SLC9C1: variants seen among roughly 807,000 people sequenced by gnomAD.
SLC9C1 encodes the protein sodium/hydrogen exchanger 10.
In SLC9C1, 97 loss-of-function variants were observed where a neutral mutation model predicts 140.9. The observed-to-expected ratio is 0.69, with a 90% CI of 0.58 to 0.82. SLC9C1 has a LOEUF of 0.82. Ranked by LOEUF, SLC9C1 falls within the 40% of genes least tolerant of loss-of-function variation. SLC9C1 has a pLI of 0.00. For synonymous variants in SLC9C1, 440 were observed against 442.6 expected (o/e 0.99, Z 0.07); for missense variants, 1,340 against 1,389.3 (o/e 0.96, Z 0.56).
intron 15 of SLC9C1, among the ~76,000 whole-genome samples, chr3:112,212,727 C>T (rs2895390): frequency 0.21 from 32,249 of 151,976 alleles, 4,309 homozygotes; most frequent in East Asian, 0.34. Context: ...AATCTACATC[C>T]GATTGGTATA....
At chr3:112,159,664 C>T (rs1015515707) in intron 26 of SLC9C1, among the ~76,000 whole-genome samples, 4 of 151,996 alleles carry the variant, frequency 2.6e-5, no homozygotes, top group African/African-American at 9.7e-5. Context: ...GTGTTGAAGT[C>T]CCCTACTACT....
chr3:112,264,881 G>A (rs2079875969), intron 8 of SLC9C1, among the ~76,000 whole-genome samples: 1 of 151,968 alleles, frequency 6.6e-6, no homozygotes, highest in South Asian at 2.1e-4. Context: ...AGGAGTGGTG[G>A]ACATACTTAT....
chr3:112,278,690 G>C (rs777461967), intron 4 of SLC9C1, 39 bp downstream of exon 4: 1 of 1,565,708 alleles, frequency 6.4e-7, no homozygotes, highest in Non-Finnish European at 8.6e-7. Context: ...ATAATATGTG[G>C]TTCATGAATG....
At position 112,204,356 on chromosome 3, in the gene SLC9C1, G is replaced by C. The variant is rs777628996; in HGVS notation, c.2034C>G (p.Phe678Leu). ...TGCCAATTAATGTAATTGCTAACTC[G>C]AATATGTTCCAGGCATGTGAAAAAA... ...KDFFSHAWNIFELAITLIGIL... is the reference protein window; with the variant it reads ...KDFFSHAWNILELAITLIGIL... The change falls in exon 17 of 29, where the codon TTC becomes TTG. Residue 678 changes from phenylalanine (F) to leucine (L), a missense_variant. Transcript: ENST00000305815. 1.9e-6 allele frequency: 3 copies of C among 1,571,654 alleles called. No individual in the cohort carries two copies. The African/African-American group carries it at 4.2e-5, about 22-fold the overall frequency.
chr3:112,150,093 C>T (rs941734649), intron 28 of SLC9C1, among the ~76,000 whole-genome samples: 16 of 152,162 alleles, frequency 1.1e-4, no homozygotes, highest in African/African-American at 3.9e-4. Flanking sequence ...ACAATTCTAG[C>T]ACCTACTGTT....
intron 28 of SLC9C1, among the ~76,000 whole-genome samples, chr3:112,145,815 C>T (rs953859265): frequency 6.6e-6 from 1 of 151,884 alleles, no homozygotes; most frequent in African/African-American, 2.4e-5. Context: ...ATAAATGAAT[C>T]GTGGGGGCAA....
intron 28 of SLC9C1, chr3:112,147,538 A>G (rs1396095612): frequency 2.5e-6 from 1 of 407,874 alleles, no homozygotes; most frequent in Non-Finnish European, 4.9e-6. Context: ...CTTTGCTTAT[A>G]AAGCTTAGTT....
chr3:112,224,853 G>A (rs147669406), intron 13 of SLC9C1, among the ~76,000 whole-genome samples: 112 of 151,966 alleles, frequency 7.4e-4, no homozygotes, highest in African/African-American at 2.3e-3. Context: ...TAGAAAGAGC[G>A]AGCCAAAGAA....
intron 6 of SLC9C1, among the ~76,000 whole-genome samples, chr3:112,272,641 C>T (rs1003724212): frequency 2.6e-5 from 4 of 152,162 alleles, no homozygotes; most frequent in African/African-American, 7.2e-5. Context: ...ATTCATCGTT[C>T]TCTTTCTCCT....
chr3:112,155,186 G>T, intron 26 of SLC9C1, 137 bp from the exon 27 acceptor site: 1 of 620,874 alleles, frequency 1.6e-6, no homozygotes, highest in Non-Finnish European at 2.6e-6. Context: ...AATCTCATTT[G>T]GTTAAAAAAA....
At chr3:112,290,067 G>T (rs1291133966) in intron 1 of SLC9C1, among the ~76,000 whole-genome samples, 1 of 152,132 alleles carries the variant, frequency 6.6e-6, no homozygotes, top group Non-Finnish European at 1.5e-5. Context: ...CATTAGGAAA[G>T]AACATTTTGG....
intron 23 of SLC9C1, among the ~76,000 whole-genome samples, chr3:112,170,583 A>G (rs1035712502): frequency 1.1e-4 from 16 of 152,342 alleles, no homozygotes; most frequent in African/African-American, 3.8e-4. Flanking sequence ...TAGAAAACAA[A>G]TTACTAACAA....
At chr3:112,248,831 G>A (rs747368677) in intron 10 of SLC9C1, among the ~76,000 whole-genome samples, 4 of 152,070 alleles carry the variant, frequency 2.6e-5, no homozygotes, top group Non-Finnish European at 5.9e-5. Flanking sequence ...TCCGATTAAA[G>A]TAGTTTTCTT....
intron 6 of SLC9C1, among the ~76,000 whole-genome samples, chr3:112,272,838 C>G (rs964546866): frequency 3.3e-5 from 5 of 152,092 alleles, no homozygotes; most frequent in African/African-American, 4.8e-5. Flanking sequence ...TGCTCAGGTC[C>G]TAGAATAGAA....
chr3:112,238,577 T>C (rs946322160), intron 12 of SLC9C1, among the ~76,000 whole-genome samples: 16 of 152,174 alleles, frequency 1.1e-4, no homozygotes, highest in Non-Finnish European at 2.4e-4. Context: ...TTTTTCCCCA[T>C]CTTTGTGGTT....
chr3:112,278,256 T>C (rs555181369), intron 4 of SLC9C1, among the ~76,000 whole-genome samples: 1 of 152,348 alleles, frequency 6.6e-6, no homozygotes, highest in Admixed American at 6.5e-5. Flanking sequence ...TCTTGAGGTC[T>C]TTCCCTGATA....
chr3:112,181,843 TGAATG>T (rs2077445850), intron 21 of SLC9C1, among the ~76,000 whole-genome samples: 1 of 151,108 alleles, frequency 6.6e-6, no homozygotes, highest in South Asian at 2.1e-4. Context: ...CACCCACAGA[TGAATG>T]GAATTAGAAA....
chr3:112,234,087 A>G (rs899875508), intron 12 of SLC9C1, among the ~76,000 whole-genome samples: 4 of 152,218 alleles, frequency 2.6e-5, no homozygotes, highest in East Asian at 3.8e-4. Context: ...ACTAGTTTAG[A>G]GTCCCACCAA....
chr3:112,215,927 G>C (rs1348998780), intron 15 of SLC9C1, among the ~76,000 whole-genome samples: 2 of 152,172 alleles, frequency 1.3e-5, no homozygotes, highest in Admixed American at 6.5e-5. Flanking sequence ...GACAAAGCTG[G>C]AGGCATCACG....
Sources: gnomAD v4.1 joint callset for allele counts (sites outside exome capture counted in the v4.1 genomes callset) on GRCh38, gnomAD v4.1.1 for gene constraint, MANE v1.5 for transcripts, NCBI Gene and HGNC (gene_info 2026-07-23, HGNC 2026-07-21) for gene names.